The following PKHD1 variants were observed in gnomAD, a reference collection of about 807,000 sequenced individuals.
PKHD1 encodes the protein fibrocystin.
In PKHD1, 291 loss-of-function variants were observed where a neutral mutation model predicts 412.0. The observed-to-expected ratio is 0.71, with a 90% confidence interval of 0.64 to 0.78. PKHD1 has a LOEUF of 0.78. Among genes scored for constraint, PKHD1 ranks in the 30% least tolerant of loss-of-function variants. The pLI is 0.00. For synonymous variants in PKHD1, 1,777 were observed against 1,821.5 expected (o/e 0.98, Z 0.62); for missense variants, 4,825 against 4,950.7 (o/e 0.97, Z 0.76).
intron 35 of PKHD1, 51 bp downstream of exon 35, chr6:52,010,258 A>T (rs1276716529): frequency 7.1e-6 from 11 of 1,539,930 alleles, no homozygotes; most frequent in Non-Finnish European, 9.0e-6. Flanking sequence ...ACAATATTAC[A>T]AATTTAATTT....
chr6:51,915,239 A>T (rs1783595793), intron 37 of PKHD1, among the ~76,000 whole-genome samples: 1 of 152,098 alleles, frequency 6.6e-6, no homozygotes, highest in African/African-American at 2.4e-5. Flanking sequence ...TCCACCTGAG[A>T]TTCTCTCACC....
intron 60 of PKHD1, among the ~76,000 whole-genome samples, chr6:51,715,962 T>A (rs1008452210): frequency 6.6e-6 from 1 of 152,154 alleles, no homozygotes; most frequent in Non-Finnish European, 1.5e-5. Flanking sequence ...TCTTCAGAAG[T>A]TGGGAAAGTT....
intron 55 of PKHD1, 72 bp downstream of exon 55, chr6:51,772,630 G>T: frequency 2.7e-6 from 2 of 737,542 alleles, no homozygotes; most frequent in Non-Finnish European, 4.7e-6. Flanking sequence ...GTTTCATATT[G>T]TAACAAAATC....
At chr6:51,689,078 C>T (rs1777825309) in intron 60 of PKHD1, among the ~76,000 whole-genome samples, 1 of 152,262 alleles carries the variant, frequency 6.6e-6, no homozygotes, top group African/African-American at 2.4e-5. Flanking sequence ...CCCTGATGAA[C>T]ATCGATGCAA....
At chr6:52,084,662 A>T (rs1812500681) in intron 2 of PKHD1, among the ~76,000 whole-genome samples, 1 of 152,262 alleles carries the variant, frequency 6.6e-6, no homozygotes, top group Non-Finnish European at 1.5e-5. Flanking sequence ...TGTTAAACAG[A>T]AAATAAAAAC....
intron 50 of PKHD1, among the ~76,000 whole-genome samples, chr6:51,839,734 T>C (rs528574968): frequency 5.9e-5 from 9 of 152,258 alleles, no homozygotes; most frequent in Admixed American, 4.6e-4. Flanking sequence ...ACATGGAATC[T>C]TAGTAGGTTA....
chr6:51,983,406 C>G (rs1272680715), intron 35 of PKHD1, among the ~76,000 whole-genome samples: 1 of 152,172 alleles, frequency 6.6e-6, no homozygotes, highest in Non-Finnish European at 1.5e-5. Context: ...GTTTCTCTCT[C>G]AAAAGCCGAA....
At chr6:51,998,225 G>GA (rs113750064) in intron 35 of PKHD1, among the ~76,000 whole-genome samples, 3,430 of 135,902 alleles carry the variant, frequency 0.025, 49 homozygotes, top group Middle Eastern at 0.047. Context: ...AGTCAACACA[G>GA]AAAAAAAAAA....
Position 52,023,070 on chromosome 6 carries a change from C to A in PKHD1, c.5237-126G>T. 8 of 1,138,548 alleles carry A rather than the reference C, an allele frequency of 7.0e-6. No individual in the cohort carries two copies. In the South Asian group the frequency reaches 9.2e-5, roughly 13 times the overall value. The allele number at this position is 1,138,548 out of a possible 1,614,324, so 70.5% of individuals were successfully genotyped here. On this transcript the variant is annotated intron_variant, in intron 32 of 66. Coordinates refer to ENST00000371117, the MANE Select transcript of PKHD1 (RefSeq NM_138694.4). ...TTTCACATCCTCAGAATCCGCACAA[C>A]TGGCTTGAGGTGGCTGCTGGCCTCA...
intron 60 of PKHD1, among the ~76,000 whole-genome samples, chr6:51,684,349 G>C (rs1288354718): frequency 6.6e-6 from 1 of 152,064 alleles, no homozygotes. Flanking sequence ...CTGAGATTTG[G>C]AGATTATTTG....
intron 46 of PKHD1, among the ~76,000 whole-genome samples, chr6:51,881,281 G>A (rs1490488473): frequency 1.3e-5 from 2 of 151,192 alleles, no homozygotes; most frequent in African/African-American, 2.4e-5. Context: ...CATATTACAG[G>A]GTACACATAG....
chr6:51,793,352 A>T (rs1477651354), intron 52 of PKHD1, among the ~76,000 whole-genome samples: 1 of 152,136 alleles, frequency 6.6e-6, no homozygotes, highest in African/African-American at 2.4e-5. Flanking sequence ...TATTTATTTT[A>T]TTTTCATCTT....
chr6:51,880,779 TAAAAA>T (rs71544105), intron 46 of PKHD1, among the ~76,000 whole-genome samples: 783 of 30,054 alleles, frequency 0.026, 63 homozygotes, highest in East Asian at 0.13. Context: ...AAAAAAAAAT[TAAAAA>T]AAAAAAAAAA....
At chr6:51,631,159 G>A (rs1581748647) in intron 65 of PKHD1, among the ~76,000 whole-genome samples, 1 of 152,026 alleles carries the variant, frequency 6.6e-6, no homozygotes, top group East Asian at 1.9e-4. Flanking sequence ...TGGAAGATGA[G>A]AATCAAATCA....
chr6:52,040,518 T>G (rs1312245300), intron 27 of PKHD1, among the ~76,000 whole-genome samples: 1 of 152,108 alleles, frequency 6.6e-6, no homozygotes, highest in African/African-American at 2.4e-5. Context: ...GAATAAAAGC[T>G]GAGTGAGCTG....
intron 35 of PKHD1, among the ~76,000 whole-genome samples, chr6:51,984,468 A>C (rs1484284784): frequency 6.6e-6 from 1 of 152,250 alleles, no homozygotes; most frequent in Non-Finnish European, 1.5e-5. Context: ...GCTCTTGCAC[A>C]AAATTTACAT....
intron 49 of PKHD1, among the ~76,000 whole-genome samples, chr6:51,848,281 G>A (rs573809037): frequency 5.9e-5 from 9 of 152,220 alleles, no homozygotes; most frequent in South Asian, 2.1e-4. Flanking sequence ...GAATTGACAC[G>A]TCTCAGGTCA....
At chr6:51,898,654 T>C (rs1176898315) in intron 43 of PKHD1, among the ~76,000 whole-genome samples, 2 of 125,030 alleles carry the variant, frequency 1.6e-5, no homozygotes, top group African/African-American at 6.4e-5. Flanking sequence ...AGGCAAGAAA[T>C]AACTAAAATC....
chr6:51,812,876 C>G (rs1034756540), intron 52 of PKHD1, among the ~76,000 whole-genome samples: 1 of 152,084 alleles, frequency 6.6e-6, no homozygotes, highest in Non-Finnish European at 1.5e-5. Context: ...TATGCACAAC[C>G]CTTTATCTTA....
Sources: allele counts gnomAD v4.1 joint callset (sites outside exome capture counted in the v4.1 genomes callset), GRCh38; gene constraint gnomAD v4.1.1; transcripts MANE v1.5; gene names NCBI Gene and HGNC (gene_info 2026-07-23, HGNC 2026-07-21).